Variants in PCNT observed in about 807,000 individuals in gnomAD.
The protein encoded by PCNT is kendrin.
Under a neutral mutation model 380.4 loss-of-function variants are expected in PCNT, and 319 were observed. The ratio of observed to expected loss-of-function variants is 0.84; its 90% CI spans 0.77 to 0.92. The LOEUF (loss-of-function observed/expected upper bound fraction) is 0.92, where lower values mean the gene tolerates loss of function less well. PCNT is among the 40% of genes least tolerant of loss of function. The pLI is 0.00. For missense variants in PCNT, 4,400 were observed against 4,255.3 expected (o/e 1.03, Z -0.95); for synonymous variants, 1,845 against 1,735.2 (o/e 1.06, Z -1.57).
chr21:46,438,257 G>A lies in PCNT; in HGVS notation c.9193G>A (p.Glu3065Lys). The change falls in exon 41 of 47, where the codon GAG (glutamate) becomes AAG (lysine). Residue 3065 changes from glutamate to lysine, a missense_variant. Physicochemically the swap from Glu to Lys is moderately conservative, Grantham distance 56. Coordinates refer to ENST00000359568, the MANE Select transcript of PCNT (RefSeq NM_006031.6). ...LTKALSTVTQ[E>K]KLELSRAVSK... The stretch of plus-strand genomic sequence containing the variant: ...AAAAGCGCTCAGCACGGTGACCCAG[G>A]AGAAGCTGGAGCTGAGCAGAGCCGT... 2 of 1,614,226 alleles carry A rather than the reference G, an allele frequency of 1.2e-6. No individual in the cohort carries two copies. The highest frequency in any genetic ancestry group is 8.5e-7 in the Non-Finnish European group (1 of 1,180,018).
chr21:46,404,526 C>T (rs900165560), intron 27 of PCNT, among the ~76,000 whole-genome samples: 48 of 138,056 alleles, frequency 3.5e-4, no homozygotes, highest in African/African-American at 4.9e-4. Context: ...GCTCTTCTCA[C>T]GCTTCTGGCT....
At position 46,432,146 on chromosome 21, in the gene PCNT, C is replaced by A. The variant is rs768208416; in HGVS notation, c.8682C>A (p.Ser2894Arg). 3.7e-6 allele frequency: 6 copies of A among 1,613,746 alleles called. No homozygotes were observed. In the South Asian group the frequency reaches 6.6e-5, roughly 18 times the overall value. ...AAGGACGCAAGGCTGCGAGGAGGAGCGCGGAGGCCAGGCAGAGCCCAGCGG... is the reference window on the plus strand; with the variant it reads ...AAGGACGCAAGGCTGCGAGGAGGAGAGCGGAGGCCAGGCAGAGCCCAGCGG... ...EQEGRKAARR[S>R]AEARQSPAAA... Residue 2894 changes from serine to arginine, a missense_variant, in exon 38 of 47, where the codon AGC (serine) becomes AGA (arginine). Transcript: ENST00000359568.
At chr21:46,331,033 TGTGTGTGA>T (rs2083543033) in intron 2 of PCNT, among the ~76,000 whole-genome samples, 1 of 151,638 alleles carries the variant, frequency 6.6e-6, no homozygotes, top group Non-Finnish European at 1.5e-5. Flanking sequence ...TGTGTTTGTG[TGTGTGTGA>T]GAGTGTGTGT....
intron 43 of PCNT, among the ~76,000 whole-genome samples, chr21:46,442,227 G>C (rs1297789294): frequency 4.6e-5 from 7 of 152,112 alleles, no homozygotes; most frequent in African/African-American, 1.7e-4. Flanking sequence ...GGTGTCTAGG[G>C]GACCATATGG....
At position 46,422,839 on chromosome 21, in the gene PCNT, C is replaced by T. The variant is rs561712284; in HGVS notation, c.7179+715C>T. Among the ~76,000 whole-genome samples the T allele has an allele frequency of 1.4e-4, 22 of 152,326 alleles. No homozygotes were observed. In the South Asian group the frequency reaches 4.3e-3, roughly 30 times the overall value. Reference sequence around the variant, plus strand: ...ACTCCTGTGCTGCTGGCCGCAGCTCCCGTTGTCTCAGAGGGCCCTGAGGGT... The same window carrying T: ...ACTCCTGTGCTGCTGGCCGCAGCTCTCGTTGTCTCAGAGGGCCCTGAGGGT... On this transcript the variant is annotated intron_variant, in intron 32 of 46. Coordinates refer to ENST00000359568, the MANE Select transcript of PCNT (RefSeq NM_006031.6).
At chr21:46,421,645 G>T (rs1442831546) in intron 31 of PCNT, among the ~76,000 whole-genome samples, 1 of 152,248 alleles carries the variant, frequency 6.6e-6, no homozygotes, top group Non-Finnish European at 1.5e-5. Context: ...GCTTGCCCAG[G>T]CCATCTGGGT....
chr21:46,417,436 C>T (rs958635102), intron 30 of PCNT, among the ~76,000 whole-genome samples: 2 of 152,174 alleles, frequency 1.3e-5, no homozygotes, highest in East Asian at 3.9e-4. Context: ...TCATGATCCA[C>T]CCACCTCAGC....
chr21:46,408,888 A>G (rs949397133), intron 27 of PCNT, among the ~76,000 whole-genome samples: 1 of 151,796 alleles, frequency 6.6e-6, no homozygotes, highest in Non-Finnish European at 1.5e-5. Flanking sequence ...CACCCAGCTA[A>G]TTTTTTAATG....
rs2084375567 is a variant in PCNT, at chr21:46,353,925, A to ACGTGTGT, written c.1680-62_1680-61insCGTGTGT. The ACGTGTGT allele has an allele frequency of 2.1e-6, 3 of 1,408,392 alleles. No homozygotes were observed. In the African/African-American group the frequency reaches 4.2e-5, roughly 20 times the overall value. 87.2% of individuals were successfully genotyped at this position (1,408,392 alleles called of 1,614,324 possible). A position where few individuals can be genotyped will look rare whatever the true frequency, so the allele number is the denominator to read the frequency against. On this transcript the variant is annotated intron_variant, in intron 10 of 46. Transcript: ENST00000359568. ...TGTGAGCAGTCGGTCCTGGGGAGGG[A>ACGTGTGT]ATGGCGCACACATGGAAAAGGGGTA...
At chr21:46,329,221 C>T (rs2083480739) in intron 2 of PCNT, among the ~76,000 whole-genome samples, 1 of 152,220 alleles carries the variant, frequency 6.6e-6, no homozygotes, top group Non-Finnish European at 1.5e-5. Flanking sequence ...ATGGTATAGA[C>T]TCCTGATTAA....
At chr21:46,435,794 G>C (rs2053422649) in intron 38 of PCNT, 110 bp from the exon 39 acceptor site, 2 of 1,248,102 alleles carry the variant, frequency 1.6e-6, no homozygotes, top group Admixed American at 3.5e-5. Context: ...TGCCCGCCTC[G>C]GCCTCCCAAA....
chr21:46,375,879 A>G (rs2085318510), intron 15 of PCNT, among the ~76,000 whole-genome samples: 1 of 152,226 alleles, frequency 6.6e-6, no homozygotes, highest in African/African-American at 2.4e-5. Context: ...AAGCGTGGAC[A>G]GTTAGGGTGG....
intron 15 of PCNT, among the ~76,000 whole-genome samples, chr21:46,373,054 C>T (rs113838571): frequency 1.3e-5 from 2 of 152,218 alleles, no homozygotes; most frequent in Admixed American, 1.3e-4. Context: ...GAGGATCTTG[C>T]TCTGTCGCCC....
At chr21:46,414,830 T>TC (rs1395658663) in intron 29 of PCNT, among the ~76,000 whole-genome samples, 1 of 148,632 alleles carries the variant, frequency 6.7e-6, no homozygotes, top group Non-Finnish European at 1.5e-5. Context: ...ACCCTGCTCC[T>TC]CCTCCTCCTG....
At chr21:46,354,562 T>C (rs1242671063) in intron 11 of PCNT, among the ~76,000 whole-genome samples, 1 of 152,198 alleles carries the variant, frequency 6.6e-6, no homozygotes, top group Non-Finnish European at 1.5e-5. Context: ...CCCAGCAGTA[T>C]GTGTGGCTGT....
chr21:46,398,055 G>T lies in PCNT; in HGVS notation c.4488G>T (p.Gln1496His). The change falls in exon 23 of 47, where the codon CAG becomes CAT. Residue 1496 changes from glutamine (Q) to histidine (H), a missense_variant. Coordinates refer to ENST00000359568, the MANE Select transcript of PCNT (RefSeq NM_006031.6). ...GGGAGCACGAGCGCGAGGAGTTCCA[G>T]CAGGAGATTCAGAGGCTGGAGGGGC... is the stretch of plus-strand genomic sequence containing the variant. ...AEREHEREEFQQEIQRLEGQL... is the reference protein window; with the variant it reads ...AEREHEREEFHQEIQRLEGQL... The T allele has an allele frequency of 6.3e-7, 1 of 1,597,014 alleles. No individual in the cohort carries two copies. The highest frequency in any genetic ancestry group is 8.5e-7 in the Non-Finnish European group (1 of 1,172,898).
rs775860479 is a variant in PCNT at position 46,363,786 on chromosome 21, C to T, written c.2461C>T (p.Leu821=). The part of the protein sequence containing the change: ...ERSLTEQQGR[L]QQLEQDLTSD... The stretch of plus-strand genomic sequence containing the variant: ...GTCCTTGACGGAGCAGCAGGGCCGC[C>T]TGCAGCAGCTGGAACAGGACCTCAC... Residue 821 remains leucine (L), a synonymous_variant, in exon 14 of 47, where the codon CTG becomes TTG. Coordinates refer to ENST00000359568, the MANE Select transcript of PCNT (RefSeq NM_006031.6). 7 of 1,613,788 alleles carry T rather than the reference C, an allele frequency of 4.3e-6. No individual in the cohort carries two copies. In the South Asian group the frequency reaches 7.7e-5, roughly 18 times the overall value.
At chr21:46,394,575 T>A in intron 21 of PCNT, 2 of 975,622 alleles carry the variant, frequency 2.0e-6, no homozygotes, top group Non-Finnish European at 2.4e-6. Flanking sequence ...TGTGACGTGC[T>A]GTTTGTTTGC....
At chr21:46,360,075 T>C (rs942050363) in intron 13 of PCNT, among the ~76,000 whole-genome samples, 1 of 152,036 alleles carries the variant, frequency 6.6e-6, no homozygotes, top group Non-Finnish European at 1.5e-5. Context: ...CAGGCTGGTC[T>C]CAAGCTCTTG....
Sources: gnomAD v4.1 joint callset for allele counts (sites outside exome capture counted in the v4.1 genomes callset) on GRCh38, gnomAD v4.1.1 for gene constraint, MANE v1.5 for transcripts, NCBI Gene and HGNC (gene_info 2026-07-23, HGNC 2026-07-21) for gene names.